SEMA3E: variants seen among roughly 807,000 people sequenced by gnomAD.
SEMA3E encodes semaphorin 3E.
Under a neutral mutation model 93.6 loss-of-function variants are expected in SEMA3E, and 49 were observed. The observed-to-expected ratio is 0.52, with a 90% CI of 0.42 to 0.66. SEMA3E has a LOEUF of 0.66. Among genes scored for constraint, SEMA3E ranks in the 30% least tolerant of loss-of-function variants. The pLI, the probability that SEMA3E is intolerant of heterozygous loss-of-function variation, is 0.00. For synonymous variants in SEMA3E, 363 were observed against 330.7 expected, an observed-to-expected ratio of 1.10 and a Z score of -1.06; for missense variants, 906 against 964.8, an observed-to-expected ratio of 0.94 and a Z score of 0.81.
At chr7:83,436,114 T>C (rs2115765204) in intron 4 of SEMA3E, among the ~76,000 whole-genome samples, 1 of 152,146 alleles carries the variant, frequency 6.6e-6, no homozygotes, top group Admixed American at 6.5e-5. Context: ...AAATATTTTT[T>C]CTCATGATAC....
intron 4 of SEMA3E, among the ~76,000 whole-genome samples, chr7:83,455,483 C>A (rs1789460818): frequency 6.6e-6 from 1 of 152,302 alleles, no homozygotes; most frequent in South Asian, 2.1e-4. Context: ...TTAATGCAAC[C>A]TTTCTTTAAC....
intron 1 of SEMA3E, among the ~76,000 whole-genome samples, chr7:83,559,895 A>G (rs1376153353): frequency 6.6e-6 from 1 of 152,108 alleles, no homozygotes; most frequent in African/African-American, 2.4e-5. Context: ...AACAGCAACA[A>G]CAACAAACCT....
At chr7:83,637,960 A>G (rs1793913810) in intron 1 of SEMA3E, among the ~76,000 whole-genome samples, 1 of 152,056 alleles carries the variant, frequency 6.6e-6, no homozygotes, top group Non-Finnish European at 1.5e-5. Context: ...ACAAATGCAC[A>G]TGGTCACTTT....
rs368515900 is a variant in SEMA3E at position 83,566,142 on chromosome 7, C to T, written c.116-75868G>A. Among the ~76,000 whole-genome samples the T allele has an allele frequency of 1.7e-4, 25 of 150,410 alleles. No individual in the cohort carries two copies. In the East Asian group the frequency reaches 3.1e-3, roughly 19 times the overall value. On this transcript the variant is annotated intron_variant, in intron 1 of 16. Coordinates refer to ENST00000643230, the MANE Select transcript of SEMA3E (RefSeq NM_012431.3). ...CCTCCTGAGTAGCTGTGACTACAGG[C>T]GGCCGTCACCACACCTGGCTATTTT...
intron 2 of SEMA3E, among the ~76,000 whole-genome samples, chr7:83,485,065 ACT>A (rs757484878): frequency 5.7e-4 from 86 of 152,204 alleles, no homozygotes; most frequent in Non-Finnish European, 1.2e-3. Flanking sequence ...ATCACTGGCA[ACT>A]CTACTCCTGA....
intron 1 of SEMA3E, among the ~76,000 whole-genome samples, chr7:83,624,575 T>A (rs572389650): frequency 3.9e-5 from 6 of 152,304 alleles, no homozygotes; most frequent in Middle Eastern, 6.8e-3. Flanking sequence ...GGGTTGTTTT[T>A]TTATTTTCTT....
chr7:83,587,410 G>A (rs189770409), intron 1 of SEMA3E, among the ~76,000 whole-genome samples: 99 of 152,198 alleles, frequency 6.5e-4, no homozygotes, highest in African/African-American at 2.3e-3. Flanking sequence ...ATGGATAAGC[G>A]TCCCTCATTA....
Position 83,366,035 on chromosome 7 carries a change from T to C in SEMA3E, c.*1551A>G, listed in dbSNP as rs1242810864. 2.6e-5 allele frequency: 4 copies of C among 152,156 alleles called. No individual in the cohort carries two copies. In the East Asian group the frequency reaches 5.8e-4, roughly 22 times the overall value. 9.4% of individuals were successfully genotyped at this position (152,156 alleles called of 1,614,324 possible). A position where few individuals can be genotyped will look rare whatever the true frequency, so the allele number is the denominator to read the frequency against. ...TGCATTTCTTAGATCTTTTGAAGCA[T>C]GGTGACTTATCTGAATAAACTTAAA... On this transcript the variant is annotated 3_prime_UTR_variant, in exon 17 of 17. Coordinates refer to ENST00000643230, the MANE Select transcript of SEMA3E (RefSeq NM_012431.3).
intron 4 of SEMA3E, among the ~76,000 whole-genome samples, chr7:83,454,262 A>AAG (rs1789430716): frequency 1.0e-5 from 1 of 100,074 alleles, no homozygotes. Context: ...CGACTCAAAA[A>AAG]AAAAAAAAAA....
At chr7:83,563,069 A>G (rs1792065437) in intron 1 of SEMA3E, among the ~76,000 whole-genome samples, 1 of 152,142 alleles carries the variant, frequency 6.6e-6, no homozygotes, top group Non-Finnish European at 1.5e-5. Flanking sequence ...TGTCTACTGT[A>G]GACAGGCATG....
intron 4 of SEMA3E, among the ~76,000 whole-genome samples, chr7:83,449,054 T>G (rs1221408126): frequency 1.3e-5 from 2 of 151,974 alleles, no homozygotes; most frequent in African/African-American, 4.8e-5. Flanking sequence ...GTTTGAATTT[T>G]TATACAATTA....
intron 16 of SEMA3E, among the ~76,000 whole-genome samples, chr7:83,383,747 G>T (rs1378169247): frequency 6.6e-6 from 1 of 151,970 alleles, no homozygotes; most frequent in African/African-American, 2.4e-5. Flanking sequence ...ATTTGGTAAA[G>T]ATTTCCAAAT....
At chr7:83,580,869 A>C (rs553408473) in intron 1 of SEMA3E, among the ~76,000 whole-genome samples, 1 of 152,106 alleles carries the variant, frequency 6.6e-6, no homozygotes, top group East Asian at 1.9e-4. Context: ...TACAGTTACC[A>C]AAAAATTTAT....
At chr7:83,648,354 A>T in intron 1 of SEMA3E, 74 bp downstream of exon 1, 1 of 1,186,110 alleles carries the variant, frequency 8.4e-7, no homozygotes, top group Non-Finnish European at 1.2e-6. Flanking sequence ...TGTTAATGTT[A>T]AACGACTTTT....
intron 1 of SEMA3E, among the ~76,000 whole-genome samples, chr7:83,499,247 A>C (rs1790549848): frequency 6.6e-6 from 1 of 152,346 alleles, no homozygotes; most frequent in South Asian, 2.1e-4. Context: ...GATAAATTTT[A>C]AAGTGGAATT....
intron 4 of SEMA3E, chr7:83,424,891 T>G (rs2115720786): frequency 3.6e-6 from 1 of 277,686 alleles, no homozygotes; most frequent in East Asian, 9.7e-5. Context: ...CCTACAGAGA[T>G]GCCTACTCAG....
intron 1 of SEMA3E, among the ~76,000 whole-genome samples, chr7:83,645,845 G>A (rs1794072692): frequency 6.6e-6 from 1 of 151,928 alleles, no homozygotes; most frequent in African/African-American, 2.4e-5. Context: ...ATGAAGGGGA[G>A]AGGAAAAGGG....
intron 2 of SEMA3E, among the ~76,000 whole-genome samples, chr7:83,483,249 A>G (rs577216256): frequency 3.3e-5 from 5 of 152,326 alleles, no homozygotes; most frequent in African/African-American, 9.6e-5. Context: ...CATTACCAAG[A>G]GAAAATATAT....
At chr7:83,638,174 T>C (rs1259035419) in intron 1 of SEMA3E, among the ~76,000 whole-genome samples, 1 of 152,200 alleles carries the variant, frequency 6.6e-6, no homozygotes, top group Non-Finnish European at 1.5e-5. Context: ...TGTTTTAATA[T>C]GTATATTGTG....
Sources: gnomAD v4.1 joint callset for allele counts (sites outside exome capture counted in the v4.1 genomes callset) on GRCh38, gnomAD v4.1.1 for gene constraint, MANE v1.5 for transcripts, NCBI Gene and HGNC (gene_info 2026-07-23, HGNC 2026-07-21) for gene names.